EDIL3: variants seen among roughly 807,000 people sequenced by gnomAD.
EDIL3 encodes the protein EGF-like repeat and discoidin I-like domain-containing protein 3.
Under a neutral mutation model 67.4 loss-of-function variants are expected in EDIL3, and 37 were observed. The ratio of observed to expected loss-of-function variants is 0.55; its 90% CI spans 0.42 to 0.72. The LOEUF (loss-of-function observed/expected upper bound fraction) is 0.72. Among genes scored for constraint, EDIL3 ranks in the 30% least tolerant of loss-of-function variants. EDIL3 has a pLI of 0.00. For synonymous variants in EDIL3, 195 were observed against 196.3 expected (o/e 0.99, Z 0.05); for missense variants, 527 against 586.3 (o/e 0.90, Z 1.04).
chr5:84,304,957 A>G (rs2112134763), intron 1 of EDIL3, among the ~76,000 whole-genome samples: 1 of 152,354 alleles, frequency 6.6e-6, no homozygotes, highest in South Asian at 2.1e-4. Context: ...ATATAATCCC[A>G]GAGACAGGAA....
chr5:84,373,160 T>C (rs993166633), intron 1 of EDIL3, among the ~76,000 whole-genome samples: 15 of 152,168 alleles, frequency 9.9e-5, no homozygotes, highest in Non-Finnish European at 1.0e-4. Flanking sequence ...TAAGTACTCC[T>C]GATCTCTGAA....
chr5:84,355,402 C>T (rs1206568916), intron 1 of EDIL3, among the ~76,000 whole-genome samples: 1 of 151,972 alleles, frequency 6.6e-6, no homozygotes, highest in Non-Finnish European at 1.5e-5. Context: ...TTTAAAGGTT[C>T]TTAGCTTCCT....
At chr5:84,244,707 C>G (rs1194272450) in intron 2 of EDIL3, among the ~76,000 whole-genome samples, 1 of 152,108 alleles carries the variant, frequency 6.6e-6, no homozygotes, top group Non-Finnish European at 1.5e-5. Context: ...ATCCGTTAGC[C>G]CTTTACTTTC....
At chr5:84,209,155 CAT>C (rs1348627326) in intron 3 of EDIL3, among the ~76,000 whole-genome samples, 2 of 150,612 alleles carry the variant, frequency 1.3e-5, no homozygotes, top group Non-Finnish European at 2.9e-5. Context: ...TGTTCTCACT[CAT>C]AGATGGGAAT....
chr5:84,338,380 C>G (rs1174176703), intron 1 of EDIL3, among the ~76,000 whole-genome samples: 1 of 152,262 alleles, frequency 6.6e-6, no homozygotes, highest in African/African-American at 2.4e-5. Flanking sequence ...GAGGACCATT[C>G]CTTGTAAGAT....
At chr5:84,101,518 AT>A (rs1194282009) in intron 6 of EDIL3, among the ~76,000 whole-genome samples, 2 of 152,126 alleles carry the variant, frequency 1.3e-5, no homozygotes, top group Non-Finnish European at 2.9e-5. Context: ...GATACTACTA[AT>A]AACCATCAGC....
At chr5:83,990,633 C>T (rs1745133406) in intron 9 of EDIL3, among the ~76,000 whole-genome samples, 1 of 152,024 alleles carries the variant, frequency 6.6e-6, no homozygotes, top group African/African-American at 2.4e-5. Flanking sequence ...GTAATCCCAG[C>T]ATTTTGGGAG....
chr5:84,338,101 A>G (rs945640729), intron 1 of EDIL3, among the ~76,000 whole-genome samples: 3 of 152,112 alleles, frequency 2.0e-5, no homozygotes. Flanking sequence ...TAAATTTTTC[A>G]TATTCTCTTT....
chr5:83,972,328 A>AG (rs1744806926), intron 9 of EDIL3, among the ~76,000 whole-genome samples: 1 of 152,112 alleles, frequency 6.6e-6, no homozygotes, highest in East Asian at 1.9e-4. Flanking sequence ...CCTGCTGTGC[A>AG]GGCTCTGAGT....
chr5:84,254,016 C>T lies in EDIL3; in HGVS notation c.196+68G>A. 5 of 1,498,642 alleles carry T rather than the reference C, an allele frequency of 3.3e-6. No individual in the cohort carries two copies. In the South Asian group the frequency reaches 5.8e-5, roughly 17 times the overall value. The allele number at this position is 1,498,642 out of a possible 1,614,324, so 92.8% of individuals were successfully genotyped here. On this transcript the variant is annotated intron_variant, in intron 2 of 10. Transcript: ENST00000296591. The stretch of plus-strand genomic sequence containing the variant: ...TACAACTAATCTCCATAATGCACCA[C>T]AGCCAAACTGCCATTTATTCATGGA...
At chr5:84,186,056 T>A (rs1331255801) in intron 3 of EDIL3, among the ~76,000 whole-genome samples, 1 of 152,136 alleles carries the variant, frequency 6.6e-6, no homozygotes, top group African/African-American at 2.4e-5. Flanking sequence ...TTATGTTTGA[T>A]GCTCAATTGC....
intron 2 of EDIL3, among the ~76,000 whole-genome samples, chr5:84,242,665 G>A (rs1270804419): frequency 6.6e-6 from 1 of 151,830 alleles, no homozygotes; most frequent in Non-Finnish European, 1.5e-5. Flanking sequence ...AGGCTTGGTG[G>A]AGTGTACCTG....
At chr5:83,967,354 A>T in intron 9 of EDIL3, among the ~76,000 whole-genome samples, 1 of 152,230 alleles carries the variant, frequency 6.6e-6, no homozygotes, top group Admixed American at 6.6e-5. Context: ...AACAAATTTT[A>T]TATATTATGC....
At chr5:84,195,446 T>G (rs937517414) in intron 3 of EDIL3, among the ~76,000 whole-genome samples, 5 of 151,988 alleles carry the variant, frequency 3.3e-5, no homozygotes, top group African/African-American at 9.7e-5. Context: ...ACCTGATCAG[T>G]ACAGTAAAGT....
intron 4 of EDIL3, among the ~76,000 whole-genome samples, chr5:84,165,448 G>A (rs1030249738): frequency 3.3e-5 from 5 of 152,000 alleles, no homozygotes; most frequent in African/African-American, 1.2e-4. Flanking sequence ...TTCTCACAAC[G>A]GCAACTCTTG....
intron 1 of EDIL3, among the ~76,000 whole-genome samples, chr5:84,263,687 G>T (rs1745282591): frequency 6.6e-6 from 1 of 152,154 alleles, no homozygotes; most frequent in African/African-American, 2.4e-5. Context: ...CTCAATAAAT[G>T]TTAGTCAAAT....
intron 1 of EDIL3, among the ~76,000 whole-genome samples, chr5:84,383,911 C>T (rs1331485907): frequency 6.6e-6 from 1 of 152,158 alleles, no homozygotes; most frequent in East Asian, 1.9e-4. Flanking sequence ...GGCGCACTGG[C>T]TTCCCCCGCT....
intron 1 of EDIL3, among the ~76,000 whole-genome samples, chr5:84,273,942 C>G (rs1198013968): frequency 6.6e-6 from 1 of 152,020 alleles, no homozygotes; most frequent in African/African-American, 2.4e-5. Context: ...CCAGTGTGTA[C>G]ATCTATGCCT....
rs34059015 is a variant in EDIL3 at position 83,947,369 on chromosome 5, C to CTG, written c.1294-3803_1294-3802dup. On this transcript the variant is annotated intron_variant, in intron 10 of 10. Coordinates refer to ENST00000296591, the MANE Select transcript of EDIL3 (RefSeq NM_005711.5). Reference sequence around the variant, plus strand: ...AGCATGTATGTGTCTGTGTCTGTGTCTGTGTGTGTGTGTGTGTGTGTGTGT... The same window carrying CTG: ...AGCATGTATGTGTCTGTGTCTGTGTCTGTGTGTGTGTGTGTGTGTGTGTGTGT... Among the ~76,000 whole-genome samples, 1,238 of 129,512 alleles carry CTG rather than the reference C, an allele frequency of 9.6e-3. 9 individuals carry two copies. Among genetic ancestry groups the CTG allele is most frequent in the South Asian group, 0.042 (169 of 4,052 alleles). 85.0% of individuals were successfully genotyped at this position (129,512 alleles called of 152,430 possible). A position where few individuals can be genotyped will look rare whatever the true frequency, so the allele number is the denominator to read the frequency against.
Sources: allele counts gnomAD v4.1 joint callset (sites outside exome capture counted in the v4.1 genomes callset), GRCh38; gene constraint gnomAD v4.1.1; transcripts MANE v1.5; gene names NCBI Gene and HGNC (gene_info 2026-07-23, HGNC 2026-07-21).